The following ERG variants were observed in gnomAD, a reference collection of about 807,000 sequenced individuals.
ERG encodes transcriptional regulator ERG.
Under a neutral mutation model 55.3 loss-of-function variants are expected in ERG, and 9 were observed. The ratio of observed to expected loss-of-function variants is 0.16; its 90% CI spans 0.10 to 0.28. The LOEUF (loss-of-function observed/expected upper bound fraction) is 0.28. ERG is among the 10% of genes least tolerant of loss of function. The pLI is 1.00. For synonymous variants in ERG, 223 were observed against 237.3 expected (o/e 0.94, Z 0.55); for missense variants, 434 against 631.6 (o/e 0.69, Z 3.35).
intron 1 of ERG, among the ~76,000 whole-genome samples, chr21:38,494,297 C>T (rs1174695532): frequency 6.6e-6 from 1 of 152,204 alleles, no homozygotes; most frequent in Non-Finnish European, 1.5e-5. Flanking sequence ...CAGTGTGCTA[C>T]CAAACGCTGG....
In ERG at chr21:38,532,626, G is replaced by C. The variant is rs1218528317; in HGVS notation, c.-41+43036C>G. Among the ~76,000 whole-genome samples the C allele has an allele frequency of 2.0e-5, 3 of 152,242 alleles. No individual in the cohort carries two copies. In the East Asian group the frequency reaches 5.8e-4, roughly 29 times the overall value. Reference sequence around the variant, plus strand: ...GCTAAGATTTCTGATTATAATCACAGGTCTGGATGTGTTCAAGGTAAAAAG... The same window carrying C: ...GCTAAGATTTCTGATTATAATCACACGTCTGGATGTGTTCAAGGTAAAAAG... On this transcript the variant is annotated intron_variant, in intron 2 of 8. Coordinates refer to the ERG transcript ENST00000398897.
the ERG span, among the ~76,000 whole-genome samples, chr21:38,369,562 C>T: frequency 1.3e-5 from 2 of 152,134 alleles, no homozygotes; most frequent in Non-Finnish European, 2.9e-5. Flanking sequence ...ATTTTTCTCC[C>T]ATTCTGTAGA....
At chr21:38,626,249 A>G (rs960327289) in intron 1 of ERG, among the ~76,000 whole-genome samples, 3 of 152,140 alleles carry the variant, frequency 2.0e-5, no homozygotes, top group African/African-American at 7.2e-5. Context: ...TGTCATGATA[A>G]TAATATTCAG....
At chr21:38,398,735 G>C (rs1034414771) in intron 6 of ERG, among the ~76,000 whole-genome samples, 5 of 152,060 alleles carry the variant, frequency 3.3e-5, no homozygotes, top group Non-Finnish European at 7.4e-5. Context: ...GCAGCTCCAG[G>C]ACCCACTGTC....
intron 1 of ERG, among the ~76,000 whole-genome samples, chr21:38,576,902 C>G (rs1378533227): frequency 6.6e-6 from 1 of 152,180 alleles, no homozygotes; most frequent in African/African-American, 2.4e-5. Flanking sequence ...CTTCCAGGCT[C>G]CAGCCTCCAG....
intron 1 of ERG, among the ~76,000 whole-genome samples, chr21:38,491,286 G>T (rs566253666): frequency 6.6e-6 from 1 of 151,866 alleles, no homozygotes; most frequent in Non-Finnish European, 1.5e-5. Context: ...GCTGGCTGAC[G>T]ATCTGAATGA....
rs1988439794 is a variant in ERG, at chr21:38,400,556, AC to A, written c.745+17del. 1.3e-6 allele frequency: 2 copies of A among 1,592,256 alleles called. No individual in the cohort carries two copies. The highest frequency in any genetic ancestry group is 2.2e-5 in the South Asian group (2 of 90,648). ...GGATGTCTCTCAATGAAGAGATCAC[AC>A]AGGGGTGTTTTCGTACCTGGCCTAG... On this transcript the variant is annotated intron_variant, in intron 6 of 9. Transcript: ENST00000288319.
intron 3 of ERG, among the ~76,000 whole-genome samples, chr21:38,409,203 G>A (rs1988922109): frequency 6.6e-6 from 1 of 152,128 alleles, no homozygotes. Context: ...CTGTGATCAG[G>A]CTGGGCGTGG....
intron 2 of ERG, among the ~76,000 whole-genome samples, chr21:38,555,344 A>C (rs1938041062): frequency 6.6e-6 from 1 of 151,822 alleles, no homozygotes; most frequent in African/African-American, 2.4e-5. Flanking sequence ...AAAAATTAAG[A>C]AACTATATAT....
chr21:38,611,434 T>C (rs1335951111), intron 1 of ERG, among the ~76,000 whole-genome samples: 1 of 151,884 alleles, frequency 6.6e-6, no homozygotes, highest in Non-Finnish European at 1.5e-5. Context: ...TGTGACCTCA[T>C]CTCCACTCCT....
chr21:38,432,990 G>A (rs1375755113), intron 2 of ERG, among the ~76,000 whole-genome samples: 1 of 152,192 alleles, frequency 6.6e-6, no homozygotes, highest in Admixed American at 6.5e-5. Context: ...GGTTACAGAC[G>A]TGAGCTGAGC....
At position 38,400,561 on chromosome 21, in the gene ERG, G is replaced by A. The variant is rs201046610; in HGVS notation, c.745+13C>T. 4.4e-6 allele frequency: 7 copies of A among 1,598,442 alleles called. No homozygotes were observed. Among genetic ancestry groups the A allele is most frequent in the Non-Finnish European group, 6.0e-6 (7 of 1,165,670 alleles). On this transcript the variant is annotated intron_variant, in intron 6 of 9. Coordinates refer to ENST00000288319, the MANE Select transcript of ERG (RefSeq NM_182918.4). ...TCTCTCAATGAAGAGATCACACAGGGGTGTTTTCGTACCTGGCCTAGTTGT... is the reference window on the plus strand; with the variant it reads ...TCTCTCAATGAAGAGATCACACAGGAGTGTTTTCGTACCTGGCCTAGTTGT...
At chr21:38,652,720 A>T (rs458465) in intron 1 of ERG, among the ~76,000 whole-genome samples, 62,973 of 152,092 alleles carry the variant, frequency 0.41, 14,965 homozygotes, top group African/African-American at 0.63. Flanking sequence ...AGCATGCCCA[A>T]GAACGGCCCT....
chr21:38,456,285 T>C (rs903881423), intron 1 of ERG, among the ~76,000 whole-genome samples: 6 of 152,144 alleles, frequency 3.9e-5, no homozygotes, highest in Non-Finnish European at 7.4e-5. Context: ...TTTTCCTCAA[T>C]CTTGTAGGTA....
chr21:38,510,219 T>C (rs965248458), intron 2 of ERG, among the ~76,000 whole-genome samples: 4 of 152,218 alleles, frequency 2.6e-5, no homozygotes, highest in African/African-American at 4.8e-5. Context: ...GGAATGCCTA[T>C]AGACAACGTG....
intron 2 of ERG, among the ~76,000 whole-genome samples, chr21:38,432,904 G>C (rs1326043037): frequency 6.6e-6 from 1 of 152,118 alleles, no homozygotes; most frequent in African/African-American, 2.4e-5. Flanking sequence ...TGGATCCTCA[G>C]AAAACTTAAT....
Position 38,382,390 on chromosome 21 carries a change from G to A in ERG, c.*1013C>T, listed in dbSNP as rs1198060029. The A allele has an allele frequency of 2.4e-5, 25 of 1,060,372 alleles. No individual in the cohort carries two copies. Among genetic ancestry groups the A allele is most frequent in the Non-Finnish European group, 2.7e-5 (24 of 875,954 alleles). The allele number at this position is 1,060,372 out of a possible 1,614,324, so 65.7% of individuals were successfully genotyped here. On this transcript the variant is annotated 3_prime_UTR_variant, in exon 10 of 10. Transcript: ENST00000288319. ...CTTACCTGACCCTGTGGAGAACAAA[G>A]CCCCCACATAATGATGAGGTCCTGA...
chr21:38,426,284 A>G (rs538872670), intron 2 of ERG, among the ~76,000 whole-genome samples: 2 of 152,362 alleles, frequency 1.3e-5, no homozygotes, highest in Non-Finnish European at 1.5e-5. Flanking sequence ...GACCCATCCT[A>G]ATATGAAAAC....
intron 1 of ERG, among the ~76,000 whole-genome samples, chr21:38,468,331 T>C (rs575913939): frequency 3.9e-5 from 6 of 152,240 alleles, no homozygotes; most frequent in Non-Finnish European, 8.8e-5. Context: ...AATAGATATG[T>C]ATTTCTCTGA....
Sources: gnomAD v4.1 joint callset for allele counts (sites outside exome capture counted in the v4.1 genomes callset) on GRCh38, gnomAD v4.1.1 for gene constraint, MANE v1.5 for transcripts, NCBI Gene and HGNC (gene_info 2026-07-23, HGNC 2026-07-21) for gene names.